The following GBE1 variants were observed in gnomAD, a reference collection of about 807,000 sequenced individuals.
GBE1 encodes the protein 1,4-alpha-glucan branching enzyme 1, also known as 1,4-alpha-glucan-branching enzyme.
GBE1 carries 70 observed loss-of-function variants against 88.8 expected under a neutral mutation model. That is an observed-to-expected ratio of 0.79 (90% confidence interval 0.65 to 0.96). The LOEUF (loss-of-function observed/expected upper bound fraction) is 0.96, where lower values mean the gene tolerates loss of function less well. Among genes scored for constraint, GBE1 ranks in the 40% least tolerant of loss-of-function variants. The probability of loss-of-function intolerance (pLI) is 0.00; values close to 1 mark genes in which losing one functional copy is unlikely to be tolerated. For missense variants in GBE1, 872 were observed against 871.0 expected (o/e 1.00, Z -0.01); for synonymous variants, 284 against 300.1 (o/e 0.95, Z 0.56).
chr3:81,672,769 A>T (rs1203636965), intron 2 of GBE1, among the ~76,000 whole-genome samples: 2 of 151,934 alleles, frequency 1.3e-5, no homozygotes, highest in Non-Finnish European at 2.9e-5. Flanking sequence ...CATGGCATTA[A>T]CAAAAAATCA....
intron 2 of GBE1, among the ~76,000 whole-genome samples, chr3:81,687,690 G>C (rs1159785437): frequency 6.6e-6 from 1 of 152,124 alleles, no homozygotes; most frequent in African/African-American, 2.4e-5. Context: ...TTTCCTCACT[G>C]TTCCCAAAAG....
chr3:81,640,309 G>A (rs1223642350), intron 7 of GBE1, among the ~76,000 whole-genome samples: 1 of 151,978 alleles, frequency 6.6e-6, no homozygotes, highest in Admixed American at 6.6e-5. Context: ...TGCCAGCACA[G>A]CCAGAATAAA....
chr3:81,628,742 CATATATATATATATATATAT>C (rs71108330), intron 7 of GBE1, among the ~76,000 whole-genome samples: 2,724 of 65,446 alleles, frequency 0.042, 156 homozygotes, highest in Middle Eastern at 0.12. Context: ...AGAACAATTG[CATATATATATATATATATAT>C]ATATATATAT....
chr3:81,725,433 C>G (rs1199114441), intron 1 of GBE1, among the ~76,000 whole-genome samples: 3 of 152,190 alleles, frequency 2.0e-5, no homozygotes, highest in Admixed American at 1.3e-4. Flanking sequence ...CAGTAACACA[C>G]ATGGAACTGT....
At chr3:81,496,943 G>A (rs780551410) in intron 15 of GBE1, among the ~76,000 whole-genome samples, 3 of 152,108 alleles carry the variant, frequency 2.0e-5, no homozygotes, top group Admixed American at 6.6e-5. Context: ...CTTATCTCAC[G>A]GCTGTGTTGG....
intron 1 of GBE1, 34 bp downstream of exon 1, chr3:81,761,341 T>A (rs1027747976): frequency 3.8e-6 from 6 of 1,579,498 alleles, no homozygotes; most frequent in Non-Finnish European, 5.2e-6. Flanking sequence ...GCGGGCTGCC[T>A]GTCTAAGTGG....
chr3:81,577,242 A>T (rs1329526537), intron 12 of GBE1, among the ~76,000 whole-genome samples: 1 of 152,034 alleles, frequency 6.6e-6, no homozygotes, highest in South Asian at 2.1e-4. Context: ...ACCCACCCTG[A>T]GTCTTTTATT....
intron 7 of GBE1, among the ~76,000 whole-genome samples, chr3:81,614,940 A>G (rs1476736598): frequency 1.3e-5 from 2 of 152,012 alleles, no homozygotes; most frequent in Non-Finnish European, 2.9e-5. Flanking sequence ...GAGGTGGGAG[A>G]ATCGTCTGAG....
At chr3:81,647,601 C>T (rs1309926132) in intron 5 of GBE1, among the ~76,000 whole-genome samples, 1 of 152,074 alleles carries the variant, frequency 6.6e-6, no homozygotes, top group African/African-American at 2.4e-5. Context: ...GATTTCATTA[C>T]TTTGGAAGTT....
At chr3:81,748,780 G>A (rs999007372) in intron 1 of GBE1, among the ~76,000 whole-genome samples, 6 of 151,866 alleles carry the variant, frequency 4.0e-5, no homozygotes, top group African/African-American at 1.5e-4. Flanking sequence ...AGGCAGAGGT[G>A]GGTGGATCAT....
chr3:81,668,904 G>T (rs953480459), intron 3 of GBE1, among the ~76,000 whole-genome samples: 2 of 152,118 alleles, frequency 1.3e-5, no homozygotes, highest in Non-Finnish European at 2.9e-5. Flanking sequence ...GCTTATTGGA[G>T]CAGATAAAAA....
chr3:81,740,766 G>GCAAACA, intron 1 of GBE1, among the ~76,000 whole-genome samples: 1 of 149,308 alleles, frequency 6.7e-6, no homozygotes, highest in Admixed American at 6.7e-5. Context: ...GTTAGAAAGT[G>GCAAACA]CACACACACA....
chr3:81,569,164 T>C (rs1166757539), intron 12 of GBE1, among the ~76,000 whole-genome samples: 1 of 152,162 alleles, frequency 6.6e-6, no homozygotes, highest in African/African-American at 2.4e-5. Context: ...CCAAATTACA[T>C]TTGAAAACTA....
chr3:81,665,922 G>A (rs1174897982), intron 3 of GBE1, among the ~76,000 whole-genome samples: 1 of 152,054 alleles, frequency 6.6e-6, no homozygotes, highest in African/African-American at 2.4e-5. Flanking sequence ...AATTATGTTA[G>A]CTATTATAAG....
chr3:81,527,422 A>G (rs1171278948), intron 14 of GBE1, among the ~76,000 whole-genome samples: 1 of 152,184 alleles, frequency 6.6e-6, no homozygotes, highest in Non-Finnish European at 1.5e-5. Context: ...CTACCATCAG[A>G]GTGAACAGGC....
At chr3:81,534,947 C>G in intron 14 of GBE1, 1 of 365,534 alleles carries the variant, frequency 2.7e-6, no homozygotes, top group South Asian at 3.1e-5. Flanking sequence ...ACAGCTCTTT[C>G]CTTTGATGTG....
chr3:81,523,255 T>C (rs748271650), intron 14 of GBE1, among the ~76,000 whole-genome samples: 9 of 151,038 alleles, frequency 6.0e-5, no homozygotes, highest in Non-Finnish European at 1.0e-4. Context: ...TAGATCCTTA[T>C]AGCTTGACCC....
chr3:81,679,312 T>C (rs1234215262), intron 2 of GBE1, among the ~76,000 whole-genome samples: 1 of 152,196 alleles, frequency 6.6e-6, no homozygotes, highest in Non-Finnish European at 1.5e-5. Context: ...AACTACTTTC[T>C]GGATAGGTAG....
chr3:81,565,472 A>G (rs1703479302), intron 12 of GBE1, among the ~76,000 whole-genome samples: 2 of 152,226 alleles, frequency 1.3e-5, no homozygotes, highest in Non-Finnish European at 2.9e-5. Context: ...GTAAGATCAC[A>G]CATTTTATAC....
Sources: gnomAD v4.1 joint callset for allele counts (sites outside exome capture counted in the v4.1 genomes callset) on GRCh38, gnomAD v4.1.1 for gene constraint, MANE v1.5 for transcripts, NCBI Gene and HGNC (gene_info 2026-07-23, HGNC 2026-07-21) for gene names.